MSMB: variants seen among roughly 807,000 people sequenced by gnomAD.
The protein encoded by MSMB is beta-microseminoprotein.
MSMB carries 10 observed loss-of-function variants against 10.5 expected under a neutral mutation model. The ratio of observed to expected loss-of-function variants is 0.95; its 90% CI spans 0.59 to 1.62. The LOEUF (loss-of-function observed/expected upper bound fraction) is 1.62, where lower values mean the gene tolerates loss of function less well. Ranked by LOEUF, MSMB falls within the 40% of genes most tolerant of loss-of-function variation. The pLI is 0.00. For synonymous variants in MSMB, 43 were observed against 46.5 expected (o/e 0.93, Z 0.30); for missense variants, 126 against 137.4 (o/e 0.92, Z 0.42).
At chr10:46,034,315 G>A (rs782166245) in intron 3 of MSMB, among the ~76,000 whole-genome samples, 3 of 151,176 alleles carry the variant, frequency 2.0e-5, no homozygotes, top group Non-Finnish European at 2.9e-5. Context: ...GGGTCGGCGC[G>A]GGGGAGGTCT....
chr10:46,040,558 G>GA (rs1840718769), intron 1 of MSMB, among the ~76,000 whole-genome samples: 1 of 152,208 alleles, frequency 6.6e-6, no homozygotes, highest in African/African-American at 2.4e-5. Context: ...GACATGATGA[G>GA]AAAGTCCCCT....
At chr10:46,038,069 C>G (rs1279194850) in intron 3 of MSMB, among the ~76,000 whole-genome samples, 2 of 152,048 alleles carry the variant, frequency 1.3e-5, no homozygotes, top group Non-Finnish European at 2.9e-5. Flanking sequence ...CTAGAGTAGT[C>G]AAAATCATAG....
At chr10:46,041,498 T>G (rs4134357) in intron 1 of MSMB, among the ~76,000 whole-genome samples, 1 of 152,028 alleles carries the variant, frequency 6.6e-6, no homozygotes, top group African/African-American at 2.4e-5. Context: ...TACTCATATA[T>G]GAATAGAAAG....
intron 1 of MSMB, among the ~76,000 whole-genome samples, chr10:46,045,022 T>C (rs1439631669): frequency 1.3e-5 from 2 of 152,122 alleles, no homozygotes; most frequent in Non-Finnish European, 1.5e-5. Context: ...AAGTTTGTCT[T>C]GCCGAGTGGC....
At chr10:46,038,079 G>C (rs1840649751) in intron 3 of MSMB, among the ~76,000 whole-genome samples, 1 of 152,100 alleles carries the variant, frequency 6.6e-6, no homozygotes, top group South Asian at 2.1e-4. Context: ...CAAAATCATA[G>C]AGACAGAAGT....
chr10:46,041,280 G>C (rs1840744435), intron 1 of MSMB, among the ~76,000 whole-genome samples: 1 of 150,134 alleles, frequency 6.7e-6, no homozygotes, highest in South Asian at 2.1e-4. Flanking sequence ...GGGAGGCGGA[G>C]GTTGCAGTGA....
intron 1 of MSMB, among the ~76,000 whole-genome samples, chr10:46,043,144 G>A (rs1840790874): frequency 6.6e-6 from 1 of 152,054 alleles, no homozygotes; most frequent in South Asian, 2.1e-4. Flanking sequence ...AGGGCTCCTG[G>A]GGTACTGGGG....
intron 1 of MSMB, among the ~76,000 whole-genome samples, chr10:46,040,517 T>C (rs1377544829): frequency 5.3e-5 from 8 of 152,202 alleles, no homozygotes; most frequent in East Asian, 1.9e-4. Context: ...TGAGAGGTAA[T>C]AGCCAAATGC....
intron 1 of MSMB, 112 bp downstream of exon 1, chr10:46,046,123 C>T (rs1554929407): frequency 8.8e-7 from 1 of 1,136,268 alleles, no homozygotes; most frequent in African/African-American, 1.5e-5. Flanking sequence ...AGGTTCCTAA[C>T]TAGGTCACAT....
chr10:46,034,070 A>G (rs1840534779), intron 3 of MSMB, among the ~76,000 whole-genome samples: 1 of 152,212 alleles, frequency 6.6e-6, no homozygotes, highest in African/African-American at 2.4e-5. Flanking sequence ...AGTTCTGATG[A>G]GATGAGATGA....
In MSMB at chr10:46,033,424, A is replaced by G; in HGVS notation, c.343T>C (p.Ter115GlnextTer?). ...GCCCTGTGCCTACTAGAAGCACATTAGATTATCCATTCACTGACAGAACAG... is the reference window on the plus strand; with the variant it reads ...GCCCTGTGCCTACTAGAAGCACATTGGATTATCCATTCACTGACAGAACAG... ...KTCSVSEWII[*>Q] is the part of the protein sequence containing the mutation. Residue 115 changes from the stop codon to glutamine (Q), a stop_lost, in exon 4 of 4, where the codon TAA becomes CAA. Coordinates refer to ENST00000582163, the MANE Select transcript of MSMB (RefSeq NM_002443.4). 1 of 1,613,564 alleles carries G rather than the reference A, an allele frequency of 6.2e-7. No homozygotes were observed. The highest frequency in any genetic ancestry group is 8.5e-7 in the Non-Finnish European group (1 of 1,179,544).
intron 3 of MSMB, among the ~76,000 whole-genome samples, chr10:46,035,452 C>T (rs1189932626): frequency 2.6e-5 from 4 of 152,128 alleles, no homozygotes; most frequent in Non-Finnish European, 4.4e-5. Context: ...TATGACCATG[C>T]CATGGAATAT....
chr10:46,037,231 C>T (rs1840629694), intron 3 of MSMB, among the ~76,000 whole-genome samples: 2 of 152,192 alleles, frequency 1.3e-5, no homozygotes, highest in African/African-American at 4.8e-5. Context: ...TTCCTTGGCC[C>T]CTCCCCTACA....
chr10:46,041,505 A>G (rs1156483355), intron 1 of MSMB, among the ~76,000 whole-genome samples: 1 of 152,190 alleles, frequency 6.6e-6, no homozygotes, highest in Non-Finnish European at 1.5e-5. Context: ...ATATGAATAG[A>G]AAGATAGGGA....
intron 1 of MSMB, 108 bp downstream of exon 1, chr10:46,046,127 G>T: frequency 8.5e-7 from 1 of 1,173,088 alleles, no homozygotes; most frequent in Non-Finnish European, 1.3e-6. Flanking sequence ...TCCTAACTAG[G>T]TCACATTTAC....
At position 46,033,536 on chromosome 10, in the gene MSMB, C is replaced by A. The variant is rs782242474; in HGVS notation, c.231G>T (p.Val77=). ...TTTGGCAGTTGTCTTTGTCATAACC[C>A]ACAGGTGTAGAAACACTGTCATTGA... The part of the protein sequence containing the change: ...ISCCTLVSTP[V]GYDKDNCQRI... Residue 77 remains valine (V), a synonymous_variant, in exon 4 of 4, where the codon GTG becomes GTT. Coordinates refer to ENST00000582163, the MANE Select transcript of MSMB (RefSeq NM_002443.4). 6 of 1,613,520 alleles carry A rather than the reference C, an allele frequency of 3.7e-6. No individual in the cohort carries two copies. In the African/African-American group the frequency reaches 4.0e-5, roughly 11 times the overall value.
At chr10:46,035,426 G>A (rs782491588) in intron 3 of MSMB, among the ~76,000 whole-genome samples, 3 of 152,198 alleles carry the variant, frequency 2.0e-5, no homozygotes, top group Non-Finnish European at 4.4e-5. Flanking sequence ...CAAATAAATG[G>A]ATAAGCAAAA....
chr10:46,037,655 C>T (rs1434640325), intron 3 of MSMB, among the ~76,000 whole-genome samples: 4 of 152,070 alleles, frequency 2.6e-5, no homozygotes, highest in Non-Finnish European at 5.9e-5. Context: ...CCTCCCTTAC[C>T]CCTCACATCT....
At chr10:46,043,180 T>C (rs782696611) in intron 1 of MSMB, among the ~76,000 whole-genome samples, 6 of 152,050 alleles carry the variant, frequency 3.9e-5, no homozygotes, top group Non-Finnish European at 4.4e-5. Flanking sequence ...GGGATCTGGT[T>C]TCACTGAGTC....
Sources: gnomAD v4.1 joint callset for allele counts (sites outside exome capture counted in the v4.1 genomes callset) on GRCh38, gnomAD v4.1.1 for gene constraint, MANE v1.5 for transcripts, NCBI Gene and HGNC (gene_info 2026-07-23, HGNC 2026-07-21) for gene names.